SBSPON: variants seen among roughly 807,000 people sequenced by gnomAD.
SBSPON encodes somatomedin B and thrombospondin type 1 domain containing.
SBSPON carries 30 observed loss-of-function variants against 35.8 expected under a neutral mutation model. The observed-to-expected ratio is 0.84, with a 90% confidence interval of 0.63 to 1.14. The LOEUF (loss-of-function observed/expected upper bound fraction) is 1.14. Ranked by LOEUF, SBSPON falls within the 50% of genes most tolerant of loss-of-function variation. The pLI is 0.00. For synonymous variants in SBSPON, 136 were observed against 135.9 expected (o/e 1.00, Z 0.00); for missense variants, 364 against 357.7 (o/e 1.02, Z -0.14).
chr8:73,087,864 G>A (rs1005864041), intron 1 of SBSPON, among the ~76,000 whole-genome samples: 11 of 152,300 alleles, frequency 7.2e-5, no homozygotes, highest in African/African-American at 2.6e-4. Context: ...GCAAATTCTA[G>A]GAACCCAGCT....
rs988966585 is a variant in SBSPON, at chr8:73,093,115, G to A, written c.-48C>T. On this transcript the variant is annotated 5_prime_UTR_variant, in exon 1 of 5. Transcript: ENST00000297354. ...GCGACGCGACAGACCCCCGGGGCAA[G>A]CGCTCTGATCCTCGGCTGGCCGCGG... 6.6e-5 allele frequency: 73 copies of A among 1,114,416 alleles called. No individual in the cohort carries two copies. In the African/African-American group the frequency reaches 1.1e-3, roughly 17 times the overall value. The allele number at this position is 1,114,416 out of a possible 1,614,324, so 69.0% of individuals were successfully genotyped here.
At chr8:73,077,858 CCT>C (rs1295257921) in intron 2 of SBSPON, among the ~76,000 whole-genome samples, 3 of 151,902 alleles carry the variant, frequency 2.0e-5, no homozygotes, top group Non-Finnish European at 4.4e-5. Flanking sequence ...CACTGCAAAT[CCT>C]CTCTCTCTCT....
intron 4 of SBSPON, among the ~76,000 whole-genome samples, chr8:73,068,003 C>T (rs1739721923): frequency 6.6e-6 from 1 of 151,994 alleles, no homozygotes; most frequent in Admixed American, 6.6e-5. Flanking sequence ...ACAAGTGCTG[C>T]ATAAAGGAAA....
Position 73,081,139 on chromosome 8 carries a change from G to GCA in SBSPON, c.287_288dup (p.Arg97CysfsTer46). ...GGCTCCTGCTGCACCGAGCGCCTCC[G>GCA]CACACGGGTTGTAGGCTTGCACTGG... On this transcript the variant is annotated frameshift_variant, in exon 2 of 5. Coordinates refer to ENST00000297354, the MANE Select transcript of SBSPON (RefSeq NM_153225.4). LOFTEE classifies it high-confidence loss of function. 1.9e-6 allele frequency: 3 copies of GCA among 1,613,132 alleles called. No individual in the cohort carries two copies. Among genetic ancestry groups the GCA allele is most frequent in the Non-Finnish European group, 2.5e-6 (3 of 1,179,510 alleles).
In SBSPON at chr8:73,067,040, T is replaced by C. The variant is rs2129979860; in HGVS notation, c.*301A>G. 2 of 229,226 alleles carry C rather than the reference T, an allele frequency of 8.7e-6. No individual in the cohort carries two copies. Among genetic ancestry groups the C allele is most frequent in the Non-Finnish European group, 1.7e-5 (2 of 114,892 alleles). 14.2% of individuals were successfully genotyped at this position (229,226 alleles called of 1,614,324 possible). On this transcript the variant is annotated 3_prime_UTR_variant, in exon 5 of 5. Coordinates refer to ENST00000297354, the MANE Select transcript of SBSPON (RefSeq NM_153225.4). Reference sequence around the variant, plus strand: ...GGACTGAGTTACAGTAATTTTACTTTAGCAAACAGACATGTATTCTGTGTC... The same window carrying C: ...GGACTGAGTTACAGTAATTTTACTTCAGCAAACAGACATGTATTCTGTGTC...
chr8:73,074,727 C>T (rs1270925534), intron 2 of SBSPON: 1 of 271,554 alleles, frequency 3.7e-6, no homozygotes, highest in Non-Finnish European at 5.6e-6. Context: ...AAAAGAGAAA[C>T]TTTTAGCCCC....
At chr8:73,092,736 G>GA in intron 1 of SBSPON, 118 bp downstream of exon 1, 2 of 733,234 alleles carry the variant, frequency 2.7e-6, no homozygotes, top group South Asian at 3.3e-5. Flanking sequence ...GATGGGTGGG[G>GA]ATAAAGGGTC....
chr8:73,080,825 A>C (rs1226098919), intron 2 of SBSPON, among the ~76,000 whole-genome samples, 194 bp downstream of exon 2: 3 of 152,162 alleles, frequency 2.0e-5, no homozygotes, highest in Non-Finnish European at 4.4e-5. Flanking sequence ...AGGGAAAGGG[A>C]GGCGTCTGCA....
intron 3 of SBSPON, among the ~76,000 whole-genome samples, chr8:73,071,072 G>T (rs918394429): frequency 6.6e-6 from 1 of 152,102 alleles, no homozygotes; most frequent in African/African-American, 2.4e-5. Context: ...GCCCTGGCTG[G>T]TCTCAAACCC....
intron 1 of SBSPON, among the ~76,000 whole-genome samples, chr8:73,090,106 G>A (rs1196205219): frequency 6.6e-6 from 1 of 152,154 alleles, no homozygotes; most frequent in Non-Finnish European, 1.5e-5. Context: ...TCAAACTCCT[G>A]AGCTCAGGCA....
chr8:73,076,738 T>C (rs1225360999), intron 2 of SBSPON, among the ~76,000 whole-genome samples: 1 of 146,290 alleles, frequency 6.8e-6, no homozygotes, highest in East Asian at 2.0e-4. Context: ...ACGGCGGCAG[T>C]GAGGAAAGGA....
rs778810907 is a variant in SBSPON at position 73,081,037 on chromosome 8, C to T, written c.391G>A (p.Asp131Asn). 1.2e-6 allele frequency: 2 copies of T among 1,606,442 alleles called. No homozygotes were observed. The highest frequency in any genetic ancestry group is 1.7e-6 in the Non-Finnish European group (2 of 1,176,482). ...CLEYSTPQGQ[D>N]CGHTYVPAFI... ...TCAGTACCATAGGTGTGCCCGCAGT[C>T]CTGGCCCTGCGGGGTGGAGTACTCC... Residue 131 changes from aspartate to asparagine, a missense_variant, in exon 2 of 5, where the codon GAC becomes AAC. Asp to Asn is a conservative substitution (Grantham distance 23). Transcript: ENST00000297354.
rs770982166 is a variant in SBSPON, at chr8:73,081,104, G to A, written c.324C>T (p.Gly108=). ...RRSVQQEPQN[G]GAPCPPLEER... is the part of the protein sequence containing the mutation. ...CTTCCAGGGGTGGGCAGGGCGCCCC[G>A]CCGTTCTGAGGCTCCTGCTGCACCG... Residue 108 remains glycine, a synonymous_variant, in exon 2 of 5, where the codon GGC becomes GGT. Transcript: ENST00000297354. 10 of 1,613,240 alleles carry A rather than the reference G, an allele frequency of 6.2e-6. No individual in the cohort carries two copies. The highest frequency in any genetic ancestry group is 5.0e-5 in the Admixed American group (3 of 59,918).
Position 73,065,033 on chromosome 8 carries a change from A to G in SBSPON, c.*2308T>C, listed in dbSNP as rs1219577496. The G allele has an allele frequency of 6.6e-6, 1 of 152,220 alleles. No individual in the cohort carries two copies. Among genetic ancestry groups the G allele is most frequent in the Non-Finnish European group, 1.5e-5 (1 of 68,044 alleles). The allele number at this position is 152,220 out of a possible 1,614,324, so 9.4% of individuals were successfully genotyped here. On this transcript the variant is annotated 3_prime_UTR_variant, in exon 5 of 5. Transcript: ENST00000297354. ...AATAAAAACTTTTGGTTTTTCATTC[A>G]TCACTTGGACTACATGTTTCAGTTC...
chr8:73,088,799 C>A (rs1389387948), intron 1 of SBSPON, among the ~76,000 whole-genome samples: 1 of 152,140 alleles, frequency 6.6e-6, no homozygotes, highest in Non-Finnish European at 1.5e-5. Context: ...TAAGTAATAG[C>A]CATAAATTGG....
Position 73,071,774 on chromosome 8 carries a change from A to T in SBSPON, c.500+6T>A. On this transcript the variant is annotated splice_donor_region_variant and intron_variant, in intron 3 of 4. Transcript: ENST00000297354. ...TGATTAAAAAAAAAAAAAAACACGA[A>T]ATTACCCAGCATCCTCTGTGTGTGT... 1 of 1,568,626 alleles carries T rather than the reference A, an allele frequency of 6.4e-7. No individual in the cohort carries two copies. Among genetic ancestry groups the T allele is most frequent in the Non-Finnish European group, 8.7e-7 (1 of 1,149,434 alleles).
rs751133327 is a variant in SBSPON at position 73,081,024 on chromosome 8, G to GT, written c.403dup (p.Thr135AsnfsTer39). The stretch of plus-strand genomic sequence containing the variant: ...AACCATGAAAACATCAGTACCATAG[G>GT]TGTGCCCGCAGTCCTGGCCCTGCGG... On this transcript the variant is annotated frameshift_variant, in exon 2 of 5. Transcript: ENST00000297354. LOFTEE classifies it high-confidence loss of function. 1.3e-6 allele frequency: 2 copies of GT among 1,594,790 alleles called. No homozygotes were observed. The highest frequency in any genetic ancestry group is 3.5e-5 in the Admixed American group (2 of 56,814).
At chr8:73,073,839 A>G (rs978833226) in intron 2 of SBSPON, among the ~76,000 whole-genome samples, 14 of 151,838 alleles carry the variant, frequency 9.2e-5, no homozygotes, top group African/African-American at 3.4e-4. Context: ...AAAAAAACAG[A>G]CAAGAGCAGC....
chr8:73,086,308 G>A (rs543582240), intron 1 of SBSPON, among the ~76,000 whole-genome samples: 40 of 151,996 alleles, frequency 2.6e-4, no homozygotes, highest in Non-Finnish European at 4.9e-4. Context: ...TTATAGGAGC[G>A]CACCTCCCTG....
Sources: allele counts gnomAD v4.1 joint callset (sites outside exome capture counted in the v4.1 genomes callset), GRCh38; gene constraint gnomAD v4.1.1; transcripts MANE v1.5; gene names NCBI Gene and HGNC (gene_info 2026-07-23, HGNC 2026-07-21).